Variants in PER3 observed in about 807,000 individuals in gnomAD.
PER3 encodes period circadian regulator 3, also known as period circadian protein homolog 3.
A neutral mutation model predicts 127.2 loss-of-function variants in PER3; 107 were observed. That is an observed-to-expected ratio of 0.84 (90% CI 0.72 to 0.99). The LOEUF (loss-of-function observed/expected upper bound fraction) is 0.99. Among genes scored for constraint, PER3 ranks in the 50% least tolerant of loss-of-function variants. The pLI is 0.00. For missense variants in PER3, 1,560 were observed against 1,525.8 expected (o/e 1.02, Z -0.37); for synonymous variants, 618 against 585.8 (o/e 1.05, Z -0.79).
intron 16 of PER3, among the ~76,000 whole-genome samples, chr1:7,820,875 T>C (rs1331189198): frequency 2.0e-5 from 3 of 152,260 alleles, no homozygotes; most frequent in African/African-American, 7.2e-5. Flanking sequence ...TTGACACATA[T>C]AAAGCACTTA....
In PER3 at chr1:7,844,241, C is replaced by G. The variant is rs545875496; in HGVS notation, c.*1486C>G. The G allele has an allele frequency of 3.9e-5, 7 of 177,402 alleles. 1 individual carries two copies. The South Asian group carries it at 7.0e-4, about 18-fold the overall frequency. The allele number at this position is 177,402 out of a possible 1,614,324, so 11.0% of individuals were successfully genotyped here. ...GTAATTCCATCTTAAGGTGTCAGAA[C>G]TATTTTCAAATGCTGCCTTTGACAG... On this transcript the variant is annotated 3_prime_UTR_variant, in exon 22 of 22. Coordinates refer to ENST00000377532, the MANE Select transcript of PER3 (RefSeq NM_001377275.1).
chr1:7,839,712 C>T (rs2097375228), intron 21 of PER3, among the ~76,000 whole-genome samples: 1 of 152,184 alleles, frequency 6.6e-6, no homozygotes, highest in African/African-American at 2.4e-5. Context: ...GGGACACTGC[C>T]CTCTGGCCTC....
At chr1:7,807,508 G>A (rs1349251973) in intron 10 of PER3, among the ~76,000 whole-genome samples, 1 of 152,124 alleles carries the variant, frequency 6.6e-6, no homozygotes, top group Non-Finnish European at 1.5e-5. Context: ...GTTGAGAAAC[G>A]GCAGGCTGGC....
chr1:7,788,313 G>A, intron 5 of PER3, 67 bp downstream of exon 5: 2 of 1,101,002 alleles, frequency 1.8e-6, no homozygotes, highest in East Asian at 4.7e-5. Flanking sequence ...TACAGGAATA[G>A]TACAGAAATT....
At chr1:7,840,689 C>T (rs532981525) in intron 21 of PER3, among the ~76,000 whole-genome samples, 7 of 152,054 alleles carry the variant, frequency 4.6e-5, no homozygotes, top group African/African-American at 1.7e-4. Context: ...GGTATGATCA[C>T]AGTTCACTGC....
chr1:7,785,056 T>C (rs758390421), intron 2 of PER3, 51 bp downstream of exon 2: 5 of 1,551,300 alleles, frequency 3.2e-6, no homozygotes, highest in Non-Finnish European at 4.3e-6. Flanking sequence ...TGTCCTTCCC[T>C]GGAGCAGGGA....
At position 7,785,318 on chromosome 1, in the gene PER3, C is replaced by G. The variant is rs1218726963; in HGVS notation, c.129-123C>G. 25 of 738,084 alleles carry G rather than the reference C, an allele frequency of 3.4e-5. 1 individual carries two copies. In the South Asian group the frequency reaches 4.2e-4, roughly 12 times the overall value. 45.7% of individuals were successfully genotyped at this position (738,084 alleles called of 1,614,324 possible). A position where few individuals can be genotyped will look rare whatever the true frequency, so the allele number is the denominator to read the frequency against. On this transcript the variant is annotated intron_variant, in intron 2 of 21. Transcript: ENST00000377532. ...CCCCACCTAGAGGAAGAGGGGTCAC[C>G]ACCCTGTGGACTGATGCCGGTAGAG...
At position 7,801,230 on chromosome 1, in the gene PER3, A is replaced by G. The variant is rs552582368; in HGVS notation, c.872+39A>G. 2.5e-5 allele frequency: 27 copies of G among 1,100,110 alleles called. No homozygotes were observed. The African/African-American group carries it at 3.9e-4, about 16-fold the overall frequency. The allele number at this position is 1,100,110 out of a possible 1,614,324, so 68.1% of individuals were successfully genotyped here. A position where few individuals can be genotyped will look rare whatever the true frequency, so the allele number is the denominator to read the frequency against. ...TAAGCCTAAAAGAAATTTGTTTCTG[A>G]AAATAAATATAAATGTGAAGAAGAT... is the stretch of plus-strand genomic sequence containing the variant. On this transcript the variant is annotated intron_variant, in intron 8 of 21. Transcript: ENST00000377532.
chr1:7,788,213 C>T lies in PER3; in HGVS notation c.559C>T (p.Gln187Ter), dbSNP rs2097101302. The change falls in exon 5 of 22, where the codon CAG becomes TAG. Residue 187 changes from glutamine (Q) to a stop codon, truncating the protein, a stop_gained. Coordinates refer to ENST00000377532, the MANE Select transcript of PER3 (RefSeq NM_001377275.1). LOFTEE classifies it high-confidence loss of function. ...RVFYAHTARA[Q>*]LPFWNNWTQR... is the part of the protein sequence containing the mutation. ...ATTCTACGCGCACACTGCCAGAGCTCAGCTTCCTTTCTGGAACAACTGGAC... is the reference window on the plus strand; with the variant it reads ...ATTCTACGCGCACACTGCCAGAGCTTAGCTTCCTTTCTGGAACAACTGGAC... 1.2e-6 allele frequency: 2 copies of T among 1,613,932 alleles called. No individual in the cohort carries two copies. The highest frequency in any genetic ancestry group is 2.7e-5 in the African/African-American group (2 of 74,908).
At chr1:7,792,886 T>C (rs778972096) in intron 5 of PER3, among the ~76,000 whole-genome samples, 4 of 152,240 alleles carry the variant, frequency 2.6e-5, no homozygotes, top group Non-Finnish European at 5.9e-5. Flanking sequence ...TAGCTTTCAG[T>C]GGTCCAGGAC....
chr1:7,810,768 T>C, intron 13 of PER3, 180 bp downstream of exon 13: 1 of 485,870 alleles, frequency 2.1e-6, no homozygotes, highest in Non-Finnish European at 3.6e-6. Flanking sequence ...CAGCAACAAA[T>C]ACTGTTCTGA....
chr1:7,806,795 TAAA>T (rs71567316), intron 10 of PER3, among the ~76,000 whole-genome samples: 13,046 of 91,602 alleles, frequency 0.14, 1,038 homozygotes, highest in Admixed American at 0.23. Flanking sequence ...CCCTGTCTCT[TAAA>T]AAAAAAAAAA....
At position 7,798,563 on chromosome 1, in the gene PER3, C is replaced by T. The variant is rs1288925536; in HGVS notation, c.683C>T (p.Pro228Leu). 2 of 1,613,324 alleles carry T rather than the reference C, an allele frequency of 1.2e-6. No homozygotes were observed. Among genetic ancestry groups the T allele is most frequent in the Non-Finnish European group, 1.7e-6 (2 of 1,179,266 alleles). ...AGAAAGCAAGAGAAGTGTCACTCCC[C>T]ATTCCGGATCATCCCCTATCTGATT... ...EDRKQEKCHSPFRIIPYLIHV... is the reference protein window; with the variant it reads ...EDRKQEKCHSLFRIIPYLIHV... The change falls in exon 7 of 22, where the codon CCA becomes CTA. Residue 228 changes from proline (P) to leucine (L), a missense_variant. By Grantham distance (98) the Pro-to-Leu change is moderately conservative. Around this residue, in one of 3 missense-constraint regions of PER3, gnomAD observed 1,332 missense variants for 1,223.6 expected, o/e 1.09. Transcript: ENST00000377532.
rs34144861 is a variant in PER3, at chr1:7,815,991, C to CAAAAAAAA, written c.1523-3275_1523-3268dup. Among the ~76,000 whole-genome samples, 11 of 67,652 alleles carry CAAAAAAAA rather than the reference C, an allele frequency of 1.6e-4. 1 individual carries two copies. The highest frequency in any genetic ancestry group is 7.7e-4 in the East Asian group (1 of 1,292). 44.4% of individuals were successfully genotyped at this position (67,652 alleles called of 152,430 possible). ...CTGGGCGACAGAGCGGACTCCGTCT[C>CAAAAAAAA]AAAAAAAAAAAAAAAAAAAAAAAAA... On this transcript the variant is annotated intron_variant, in intron 13 of 21. Coordinates refer to ENST00000377532, the MANE Select transcript of PER3 (RefSeq NM_001377275.1).
chr1:7,785,711 G>T, intron 3 of PER3, 125 bp downstream of exon 3: 1 of 726,116 alleles, frequency 1.4e-6, no homozygotes, highest in Non-Finnish European at 2.3e-6. Context: ...CTTTGTGGAA[G>T]ATGAGCAAAT....
In PER3 at chr1:7,835,915, G is replaced by T. The variant is rs756229978; in HGVS notation, c.3368G>T (p.Arg1123Leu). 1.5e-5 allele frequency: 24 copies of T among 1,608,860 alleles called. No individual in the cohort carries two copies. The highest frequency in any genetic ancestry group is 2.0e-5 in the Non-Finnish European group (23 of 1,175,456). Reference protein sequence around the residue: ...IWRMIRQTPERILMTYQVPER... With the variant: ...IWRMIRQTPELILMTYQVPER... ...AGAATGATACGGCAGACACCTGAGC[G>T]CATTCTCATGACATACCAGGTACCT... The change falls in exon 20 of 22, where the codon CGC becomes CTC. Residue 1123 changes from arginine (R) to leucine (L), a missense_variant. By Grantham distance (102) the Arg-to-Leu change is moderately radical (BLOSUM62 -2). Transcript: ENST00000377532.
intron 19 of PER3, 44 bp from the exon 20 acceptor site, chr1:7,835,718 G>A: frequency 7.1e-7 from 1 of 1,414,050 alleles, no homozygotes; most frequent in Non-Finnish European, 9.9e-7. Flanking sequence ...TGGCAAATCA[G>A]TCGGACAGGT....
chr1:7,801,878 T>C (rs2097172281), intron 8 of PER3, among the ~76,000 whole-genome samples: 1 of 152,156 alleles, frequency 6.6e-6, no homozygotes, highest in African/African-American at 2.4e-5. Flanking sequence ...TTCAAAAATC[T>C]GGGAACCAAC....
intron 13 of PER3, among the ~76,000 whole-genome samples, chr1:7,818,379 T>C (rs1477266178): frequency 6.6e-6 from 1 of 152,230 alleles, no homozygotes; most frequent in African/African-American, 2.4e-5. Flanking sequence ...TTCCATAATA[T>C]GCTCTGAAAA....
Sources: allele counts gnomAD v4.1 joint callset (sites outside exome capture counted in the v4.1 genomes callset), GRCh38; gene constraint gnomAD v4.1.1; regional missense constraint gnomAD v4.1.1; transcripts MANE v1.5; gene names NCBI Gene and HGNC (gene_info 2026-07-23, HGNC 2026-07-21).